The following CNTN6 variants were observed in gnomAD, a reference collection of about 807,000 sequenced individuals.
The protein encoded by CNTN6 is contactin 6, also known as contactin-6.
A neutral mutation model predicts 122.8 loss-of-function variants in CNTN6; 137 were observed. The observed-to-expected ratio is 1.12, with a 90% CI of 0.97 to 1.29. The LOEUF (loss-of-function observed/expected upper bound fraction) is 1.29. Among genes scored for constraint, CNTN6 ranks in the 50% most tolerant of loss-of-function variants. The pLI is 0.00. For missense variants in CNTN6, 1,634 were observed against 1,223.4 expected (o/e 1.34, Z -5.01); for synonymous variants, 570 against 426.0 (o/e 1.34, Z -4.16).
chr3:1,293,025 A>G (rs1002393085), intron 5 of CNTN6, among the ~76,000 whole-genome samples: 2 of 151,900 alleles, frequency 1.3e-5, no homozygotes, highest in Non-Finnish European at 2.9e-5. Context: ...GCATTTTCTC[A>G]CTTCATGCGC....
chr3:1,138,059 C>T (rs2092523874), intron 1 of CNTN6, among the ~76,000 whole-genome samples: 1 of 152,228 alleles, frequency 6.6e-6, no homozygotes, highest in African/African-American at 2.4e-5. Context: ...CATTTCTTTT[C>T]ACTGACCCTC....
At chr3:1,366,426 C>G (rs1169994766) in intron 12 of CNTN6, among the ~76,000 whole-genome samples, 3 of 152,088 alleles carry the variant, frequency 2.0e-5, no homozygotes, top group Non-Finnish European at 4.4e-5. Flanking sequence ...TGCAGCTACT[C>G]TACTGGCACA....
intron 4 of CNTN6, among the ~76,000 whole-genome samples, chr3:1,247,852 TA>T (rs201448124): frequency 8.6e-5 from 13 of 150,662 alleles, no homozygotes; most frequent in Middle Eastern, 3.4e-3. Flanking sequence ...TAACATTTGT[TA>T]AAAAAAAAAT....
intron 4 of CNTN6, among the ~76,000 whole-genome samples, chr3:1,239,847 T>G (rs567378909): frequency 6.6e-6 from 1 of 152,116 alleles, no homozygotes; most frequent in Non-Finnish European, 1.5e-5. Context: ...TGGAACAGAA[T>G]AGAGAACCCA....
At chr3:1,115,667 G>C (rs1415400343) in intron 1 of CNTN6, among the ~76,000 whole-genome samples, 1 of 152,152 alleles carries the variant, frequency 6.6e-6, no homozygotes, top group Non-Finnish European at 1.5e-5. Context: ...CAGGAGAATT[G>C]CTTGAACCCG....
At chr3:1,308,625 CTTG>C (rs1053863193) in intron 7 of CNTN6, among the ~76,000 whole-genome samples, 7 of 151,890 alleles carry the variant, frequency 4.6e-5, no homozygotes, top group South Asian at 2.1e-4. Flanking sequence ...AACATATGAT[CTTG>C]TTGTTGTCTC....
intron 1 of CNTN6, among the ~76,000 whole-genome samples, chr3:1,133,497 C>A (rs762289565): frequency 1.3e-5 from 2 of 152,170 alleles, no homozygotes; most frequent in Non-Finnish European, 2.9e-5. Context: ...AACTAAGGCA[C>A]AGAAGAGTTA....
intron 7 of CNTN6, among the ~76,000 whole-genome samples, chr3:1,308,595 A>C (rs949639264): frequency 1.3e-5 from 2 of 151,810 alleles, no homozygotes; most frequent in African/African-American, 4.8e-5. Context: ...ACATACAGCT[A>C]TTTGTATTAT....
chr3:1,242,374 C>G (rs183791247), intron 4 of CNTN6, among the ~76,000 whole-genome samples: 1 of 151,604 alleles, frequency 6.6e-6, no homozygotes, highest in East Asian at 2.0e-4. Flanking sequence ...GGGTGGATGG[C>G]AAAACAATTT....
intron 1 of CNTN6, chr3:1,128,215 A>G (rs1043156083): frequency 1.3e-5 from 2 of 151,938 alleles, no homozygotes; most frequent in African/African-American, 4.8e-5. Context: ...GCAGACCATG[A>G]CCTTCAACAT....
intron 5 of CNTN6, among the ~76,000 whole-genome samples, chr3:1,283,139 A>G (rs1192960656): frequency 2.0e-5 from 3 of 151,954 alleles, no homozygotes; most frequent in Non-Finnish European, 2.9e-5. Flanking sequence ...CACCCAGCTA[A>G]TTTTTTATAT....
intron 1 of CNTN6, among the ~76,000 whole-genome samples, chr3:1,104,119 A>G (rs1461458278): frequency 2.0e-5 from 3 of 152,122 alleles, no homozygotes; most frequent in African/African-American, 4.8e-5. Context: ...TGTAAAATTC[A>G]CATCTGATGC....
chr3:1,392,716 A>G (rs2126229886), intron 20 of CNTN6, among the ~76,000 whole-genome samples: 1 of 141,036 alleles, frequency 7.1e-6, no homozygotes, highest in East Asian at 2.0e-4. Context: ...ACAAGAAAAA[A>G]ACAAACAACC....
At chr3:1,142,247 A>C (rs1364335125) in intron 1 of CNTN6, among the ~76,000 whole-genome samples, 1 of 152,074 alleles carries the variant, frequency 6.6e-6, no homozygotes, top group Non-Finnish European at 1.5e-5. Flanking sequence ...TTCTGAACCA[A>C]ACAAAGAAAC....
chr3:1,292,722 T>G (rs1161839060), intron 5 of CNTN6, among the ~76,000 whole-genome samples: 1 of 152,178 alleles, frequency 6.6e-6, no homozygotes, highest in Admixed American at 6.5e-5. Flanking sequence ...CTGACACTCT[T>G]CTTATCCTGT....
chr3:1,301,330 C>T (rs947682384), intron 7 of CNTN6, among the ~76,000 whole-genome samples: 3 of 151,902 alleles, frequency 2.0e-5, no homozygotes, highest in Admixed American at 6.6e-5. Flanking sequence ...CCACTGTGCC[C>T]GGCTCCTAAA....
chr3:1,249,641 CG>C (rs1317529076), intron 4 of CNTN6, among the ~76,000 whole-genome samples: 6 of 152,086 alleles, frequency 3.9e-5, no homozygotes, highest in Non-Finnish European at 8.8e-5. Context: ...GAGAATTGTG[CG>C]GTTGAGAGAT....
At chr3:1,249,157 T>C (rs749207070) in intron 4 of CNTN6, among the ~76,000 whole-genome samples, 1 of 152,088 alleles carries the variant, frequency 6.6e-6, no homozygotes, top group Non-Finnish European at 1.5e-5. Context: ...TCAAATAGCA[T>C]TACCATAGGG....
At position 1,142,966 on chromosome 3, in the gene CNTN6, G is replaced by GTA. The variant is rs1408347529; in HGVS notation, c.-82-4960_-82-4959insAT. 5.1e-3 allele frequency among the ~76,000 whole-genome samples: 493 copies of GTA among 96,464 alleles called. 4 individuals carry two copies. The highest frequency in any genetic ancestry group is 7.1e-3 in the Non-Finnish European group (345 of 48,610). 63.3% of individuals were successfully genotyped at this position (96,464 alleles called of 152,430 possible). ...GATACATATAAATTTGTGTGTGTGT[G>GTA]TGTATATATATATATATATATATAT... On this transcript the variant is annotated intron_variant, in intron 1 of 22. Coordinates refer to ENST00000446702, the MANE Select transcript of CNTN6 (RefSeq NM_001289080.2).
Sources: gnomAD v4.1 joint callset for allele counts (sites outside exome capture counted in the v4.1 genomes callset) on GRCh38, gnomAD v4.1.1 for gene constraint, MANE v1.5 for transcripts, NCBI Gene and HGNC (gene_info 2026-07-23, HGNC 2026-07-21) for gene names.